The following MSANTD3 variants were observed in gnomAD, a reference collection of about 807,000 sequenced individuals.
MSANTD3 encodes Myb/SANT DNA binding domain containing 3, also known as myb/SANT-like DNA-binding domain-containing protein 3.
MSANTD3 carries 11 observed loss-of-function variants against 27.7 expected under a neutral mutation model. That is an observed-to-expected ratio of 0.40 (90% CI 0.25 to 0.66). The LOEUF is 0.66. Ranked by LOEUF, MSANTD3 falls within the 30% of genes least tolerant of loss-of-function variation. The pLI is 0.41. For missense variants in MSANTD3, 250 were observed against 336.5 expected (o/e 0.74, Z 2.01); for synonymous variants, 131 against 127.2 (o/e 1.03, Z -0.20).
rs1836872439 is a variant in MSANTD3 at position 100,450,984 on chromosome 9, T to A, written c.*18T>A. The stretch of plus-strand genomic sequence containing the variant: ...CGCCCTAAGACTTTGGGGGTGGCTC[T>A]CTTGTAATTAATCTGTGTTGGCAAA... On this transcript the variant is annotated 3_prime_UTR_variant, in exon 3 of 3. Transcript: ENST00000395067. 1 of 1,547,702 alleles carries A rather than the reference T, an allele frequency of 6.5e-7. No individual in the cohort carries two copies. The highest frequency in any genetic ancestry group is 8.7e-7 in the Non-Finnish European group (1 of 1,153,402).
intron 2 of MSANTD3, among the ~76,000 whole-genome samples, chr9:100,443,372 G>A (rs113232750): frequency 2.7e-5 from 4 of 150,586 alleles, no homozygotes; most frequent in African/African-American, 2.4e-5. Context: ...GCACGCCAGC[G>A]TAGGCAACAA....
intron 1 of MSANTD3, among the ~76,000 whole-genome samples, chr9:100,437,384 A>G (rs918822500): frequency 6.6e-6 from 1 of 152,226 alleles, no homozygotes; most frequent in African/African-American, 2.4e-5. Flanking sequence ...AGAGCTAAGC[A>G]GAGCAGAGAG....
At chr9:100,440,780 CTTTTTTTTTTTT>C (rs529362356) in intron 1 of MSANTD3, among the ~76,000 whole-genome samples, 67 of 85,700 alleles carry the variant, frequency 7.8e-4, no homozygotes, top group African/African-American at 2.9e-3. Flanking sequence ...TTTTTCTTCC[CTTTTTTTTTTTT>C]TTTTTTTTTT....
intron 1 of MSANTD3, among the ~76,000 whole-genome samples, chr9:100,430,916 G>T (rs1274352513): frequency 6.6e-6 from 1 of 152,142 alleles, no homozygotes; most frequent in African/African-American, 2.4e-5. Context: ...ATAGATAATT[G>T]GAAATGTGTT....
intron 1 of MSANTD3, among the ~76,000 whole-genome samples, chr9:100,429,997 C>G (rs1244336003): frequency 6.6e-6 from 1 of 151,696 alleles, no homozygotes; most frequent in Non-Finnish European, 1.5e-5. Flanking sequence ...GCCACCGTGC[C>G]CAGCTATGAC....
chr9:100,437,794 T>C (rs1836508701), intron 1 of MSANTD3, among the ~76,000 whole-genome samples: 1 of 152,176 alleles, frequency 6.6e-6, no homozygotes, highest in Non-Finnish European at 1.5e-5. Flanking sequence ...TATATGTAAA[T>C]TTATATATAC....
chr9:100,441,873 T>G, intron 1 of MSANTD3, 33 bp from the exon 2 acceptor site: 6 of 1,526,054 alleles, frequency 3.9e-6, no homozygotes, highest in Non-Finnish European at 5.3e-6. Flanking sequence ...TTTGCTGGAG[T>G]TGGTAATCAT....
chr9:100,435,208 C>T (rs1236541636), intron 1 of MSANTD3, among the ~76,000 whole-genome samples: 2 of 152,156 alleles, frequency 1.3e-5, no homozygotes, highest in Admixed American at 6.5e-5. Context: ...CAAAGTCACA[C>T]GGTTGGGTGA....
Position 100,427,204 on chromosome 9 carries a change from G to A in MSANTD3, c.-223G>A, listed in dbSNP as rs988386997. The A allele has an allele frequency of 4.1e-5, 6 of 145,954 alleles. No homozygotes were observed. The highest frequency in any genetic ancestry group is 7.6e-5 in the Non-Finnish European group (5 of 65,758). 9.0% of individuals were successfully genotyped at this position (145,954 alleles called of 1,614,324 possible). ...TCCGCGAGGGGGCGGCGGCGTCCGG[G>A]CTTTGTGGCCGCGGCGCGCGCGGCG... On this transcript the variant is annotated 5_prime_UTR_variant, in exon 1 of 3. Coordinates refer to ENST00000395067, the MANE Select transcript of MSANTD3 (RefSeq NM_080655.3).
chr9:100,435,927 G>A (rs930607857), intron 1 of MSANTD3, among the ~76,000 whole-genome samples: 9 of 152,194 alleles, frequency 5.9e-5, no homozygotes, highest in African/African-American at 2.2e-4. Flanking sequence ...TTTGTTTTAA[G>A]TTGGATAGTA....
At chr9:100,436,550 G>T (rs1343904165) in intron 1 of MSANTD3, among the ~76,000 whole-genome samples, 1 of 152,180 alleles carries the variant, frequency 6.6e-6, no homozygotes, top group Non-Finnish European at 1.5e-5. Context: ...GGGAAGTCCA[G>T]TCTATCCCTA....
Position 100,429,199 on chromosome 9 carries a change from G to A in MSANTD3, c.-34+1806G>A, listed in dbSNP as rs144846828. ...TAACCAGGCATTGAAGCAGAGAGTA[G>A]GTGGGTACGTAGCGATGGTGAAGGT... On this transcript the variant is annotated intron_variant, in intron 1 of 2. Coordinates refer to ENST00000395067, the MANE Select transcript of MSANTD3 (RefSeq NM_080655.3). 2.2e-3 allele frequency among the ~76,000 whole-genome samples: 337 copies of A among 152,322 alleles called. 1 individual carries two copies. The highest frequency in any genetic ancestry group is 7.7e-3 in the African/African-American group (319 of 41,554).
chr9:100,441,872 G>A (rs1836631804), intron 1 of MSANTD3, 34 bp from the exon 2 acceptor site: 9 of 1,526,304 alleles, frequency 5.9e-6, no homozygotes, highest in Non-Finnish European at 7.9e-6. Context: ...TTTTGCTGGA[G>A]TTGGTAATCA....
intron 2 of MSANTD3, among the ~76,000 whole-genome samples, chr9:100,442,808 C>CA (rs59051169): frequency 0.023 from 1,253 of 55,116 alleles, 25 homozygotes; most frequent in African/African-American, 0.052. Flanking sequence ...GACCCTGTCT[C>CA]AAAAAAAAAA....
intron 2 of MSANTD3, chr9:100,449,190 T>C (rs1836825826): frequency 1.0e-6 from 1 of 985,300 alleles, no homozygotes; most frequent in African/African-American, 1.7e-5. Flanking sequence ...GTGGAGTTAG[T>C]GGTTTCCTTA....
At chr9:100,447,394 G>A (rs910194757) in intron 2 of MSANTD3, among the ~76,000 whole-genome samples, 1 of 151,896 alleles carries the variant, frequency 6.6e-6, no homozygotes, top group Non-Finnish European at 1.5e-5. Flanking sequence ...AAATTTGGAT[G>A]TTAGCACACA....
chr9:100,448,578 C>A, intron 2 of MSANTD3: 1 of 985,416 alleles, frequency 1.0e-6, no homozygotes, highest in South Asian at 4.7e-5. Flanking sequence ...TAATTCACCC[C>A]ATACACATTT....
intron 1 of MSANTD3, among the ~76,000 whole-genome samples, chr9:100,428,210 A>G (rs1479253238): frequency 1.3e-5 from 2 of 152,206 alleles, no homozygotes; most frequent in Non-Finnish European, 2.9e-5. Flanking sequence ...CTTAGGCGTG[A>G]TAACATTTAA....
intron 1 of MSANTD3, among the ~76,000 whole-genome samples, chr9:100,438,112 T>A (rs1040895720): frequency 5.3e-5 from 8 of 152,216 alleles, no homozygotes; most frequent in African/African-American, 1.9e-4. Context: ...TTGGAATTAA[T>A]TCCATGTAAT....
Sources: gnomAD v4.1 joint callset for allele counts (sites outside exome capture counted in the v4.1 genomes callset) on GRCh38, gnomAD v4.1.1 for gene constraint, MANE v1.5 for transcripts, NCBI Gene and HGNC (gene_info 2026-07-23, HGNC 2026-07-21) for gene names.